Variants in GALNT9 observed in about 807,000 individuals in gnomAD.
GALNT9 encodes the protein GalNAc transferase 9.
In GALNT9, 47 loss-of-function variants were observed where a neutral mutation model predicts 63.1. The ratio of observed to expected loss-of-function variants is 0.75; its 90% CI spans 0.59 to 0.95. GALNT9 has a LOEUF of 0.95. GALNT9 is among the 40% of genes least tolerant of loss of function. The pLI is 0.00. For synonymous variants in GALNT9, 396 were observed against 365.7 expected, an observed-to-expected ratio of 1.08 and a Z score of -0.94; for missense variants, 829 against 874.8, an observed-to-expected ratio of 0.95 and a Z score of 0.66.
intron 6 of GALNT9, among the ~76,000 whole-genome samples, chr12:132,218,457 G>C (rs7303037): frequency 0.59 from 90,425 of 152,150 alleles, 27,063 homozygotes; most frequent in East Asian, 0.78. Flanking sequence ...CACTCTGGAG[G>C]AAATTGTGTG....
At chr12:132,253,287 C>T (rs1222853099) in intron 5 of GALNT9, among the ~76,000 whole-genome samples, 5 of 151,882 alleles carry the variant, frequency 3.3e-5, no homozygotes, top group African/African-American at 9.7e-5. Context: ...GAATATCCAG[C>T]CTCCCACAGG....
At chr12:132,323,363 G>C (rs532582999) in intron 1 of GALNT9, among the ~76,000 whole-genome samples, 49 of 152,316 alleles carry the variant, frequency 3.2e-4, no homozygotes, top group African/African-American at 1.1e-3. Flanking sequence ...GCTGCCGACC[G>C]GGCCTGCTCT....
chr12:132,305,358 C>G (rs374691112), intron 1 of GALNT9, among the ~76,000 whole-genome samples: 26 of 37,634 alleles, frequency 6.9e-4, no homozygotes, highest in East Asian at 6.5e-3. Flanking sequence ...CCCGGGCACA[C>G]CCTCACCCGG....
intron 1 of GALNT9, among the ~76,000 whole-genome samples, chr12:132,293,535 G>T (rs1470679454): frequency 6.6e-6 from 1 of 152,198 alleles, no homozygotes; most frequent in African/African-American, 2.4e-5. Flanking sequence ...TGTGCCCTGG[G>T]TACCGACAGC....
rs1266623155 is a variant in GALNT9, at chr12:132,257,806, G to A, written c.842C>T (p.Thr281Met). 3 of 1,550,284 alleles carry A rather than the reference G, an allele frequency of 1.9e-6. No homozygotes were observed. The highest frequency in any genetic ancestry group is 2.0e-5 in the Admixed American group (1 of 50,988). ...GTTCGCATACTGCTGCACCTCAAAC[G>A]TGCTGTACTTGATGTTGTCGATGGC... ...LPAIDNIKYS[T>M]FEVQQYANAA... Residue 281 changes from threonine to methionine, a missense_variant, in exon 5 of 11, where the codon ACG becomes ATG. Thr to Met is a moderately conservative substitution (Grantham distance 81). Coordinates refer to ENST00000328957, the MANE Select transcript of GALNT9 (RefSeq NM_001122636.2).
Position 132,247,750 on chromosome 12 carries a change from CCGT to C in GALNT9, c.1077+157_1077+159del, listed in dbSNP as rs1878764625. ...CTCGCCCTCACCCCGTCCCCAGATG[CCGT>C]GGCCGCACTCGCCCTCACCCCATCC... On this transcript the variant is annotated intron_variant, in intron 6 of 10. Transcript: ENST00000328957. The C allele has an allele frequency of 3.1e-5, 38 of 1,222,972 alleles. No individual in the cohort carries two copies. In the African/African-American group the frequency reaches 3.5e-4, roughly 11 times the overall value. 75.8% of individuals were successfully genotyped at this position (1,222,972 alleles called of 1,614,324 possible).
At chr12:132,309,279 T>C (rs971866970) in intron 1 of GALNT9, among the ~76,000 whole-genome samples, 3 of 152,206 alleles carry the variant, frequency 2.0e-5, no homozygotes, top group African/African-American at 7.2e-5. Context: ...GAGTGGATGA[T>C]GGCCCCGGGA....
At chr12:132,299,909 T>C (rs376559772) in intron 1 of GALNT9, among the ~76,000 whole-genome samples, 25 of 122,998 alleles carry the variant, frequency 2.0e-4, no homozygotes, top group East Asian at 1.4e-3. Context: ...ACCTAACCCA[T>C]CCCTGAGATA....
chr12:132,254,343 A>G (rs73469812), intron 5 of GALNT9, among the ~76,000 whole-genome samples: 3,488 of 152,296 alleles, frequency 0.023, 135 homozygotes, highest in African/African-American at 0.079. Context: ...ATTTACTTTT[A>G]TGGAAATTTT....
At position 132,315,889 on chromosome 12, in the gene GALNT9, A is replaced by T. The variant is rs1456671202; in HGVS notation, c.238+13077T>A. Among the ~76,000 whole-genome samples, 1 of 152,168 alleles carries T rather than the reference A, an allele frequency of 6.6e-6. No homozygotes were observed. The highest frequency in any genetic ancestry group is 1.5e-5 in the Non-Finnish European group (1 of 68,008). On this transcript the variant is annotated intron_variant, in intron 1 of 10. Coordinates refer to ENST00000328957, the MANE Select transcript of GALNT9 (RefSeq NM_001122636.2). The surrounding 1 kb of genome is among the most constrained non-coding windows in gnomAD (Gnocchi z 6.1). ...TGCAATAAACCCCTGTGCTGGGCCCATTCCGAGATGCCAATGGGGACTTGG... is the reference window on the plus strand; with the variant it reads ...TGCAATAAACCCCTGTGCTGGGCCCTTTCCGAGATGCCAATGGGGACTTGG...
At chr12:132,225,483 CACAT>C (rs1206069011) in intron 6 of GALNT9, among the ~76,000 whole-genome samples, 11 of 149,580 alleles carry the variant, frequency 7.4e-5, no homozygotes, top group African/African-American at 2.5e-4. Flanking sequence ...ACATCCCACA[CACAT>C]ACATACCACA....
intron 6 of GALNT9, among the ~76,000 whole-genome samples, chr12:132,210,245 C>T (rs1479313804): frequency 6.6e-6 from 1 of 152,242 alleles, no homozygotes; most frequent in Non-Finnish European, 1.5e-5. Flanking sequence ...GGCGTTGGGT[C>T]AAAAACTCCC....
chr12:132,264,640 T>G (rs146975216), intron 2 of GALNT9, among the ~76,000 whole-genome samples: 278 of 152,348 alleles, frequency 1.8e-3, no homozygotes, highest in African/African-American at 6.5e-3. Flanking sequence ...CAAACCCACC[T>G]GTCTTCCCAG....
intron 8 of GALNT9, 71 bp from the exon 9 acceptor site, chr12:132,199,340 C>T (rs1473574930): frequency 9.1e-7 from 1 of 1,100,278 alleles, no homozygotes; most frequent in East Asian, 2.4e-5. Context: ...TTCACGCAGC[C>T]AGCTCTGCAG....
chr12:132,207,904 A>G (rs1876790766), intron 6 of GALNT9, among the ~76,000 whole-genome samples: 2 of 152,182 alleles, frequency 1.3e-5, no homozygotes, highest in South Asian at 4.1e-4. Flanking sequence ...AGAACAAGAC[A>G]GCCCCCACCC....
chr12:132,208,003 G>A (rs776828147), intron 6 of GALNT9, among the ~76,000 whole-genome samples: 10 of 152,154 alleles, frequency 6.6e-5, no homozygotes, highest in Admixed American at 1.3e-4. Flanking sequence ...GTTAATGACC[G>A]TGTAGTTTTT....
chr12:132,262,493 C>T lies in GALNT9; in HGVS notation c.552G>A (p.Lys184=). 2 of 1,551,182 alleles carry T rather than the reference C, an allele frequency of 1.3e-6. No homozygotes were observed. Among genetic ancestry groups the T allele is most frequent in the African/African-American group, 1.4e-5 (1 of 73,176 alleles). ...VVNHTPSQLL[K]EVILVDDNSD... is the part of the protein sequence containing the mutation. Reference sequence around the variant, plus strand: ...TGTTGTCGTCCACCAGGATGACCTCCTTGAGGAGCTGGGAGGGCGTGTGGT... The same window carrying T: ...TGTTGTCGTCCACCAGGATGACCTCTTTGAGGAGCTGGGAGGGCGTGTGGT... The change falls in exon 3 of 11, where the codon AAG becomes AAA. Residue 184 remains lysine, a synonymous_variant. Coordinates refer to ENST00000328957, the MANE Select transcript of GALNT9 (RefSeq NM_001122636.2).
At chr12:132,250,199 C>T (rs1373699761) in intron 5 of GALNT9, among the ~76,000 whole-genome samples, 5 of 152,150 alleles carry the variant, frequency 3.3e-5, no homozygotes, top group Non-Finnish European at 7.4e-5. Context: ...AGAGGTTGCC[C>T]CCCGTGTGAC....
At chr12:132,258,747 G>A (rs148629657) in intron 4 of GALNT9, among the ~76,000 whole-genome samples, 97 of 152,308 alleles carry the variant, frequency 6.4e-4, no homozygotes, top group African/African-American at 1.9e-3. Context: ...CTCAGTCTTC[G>A]ATTCCCCGTC....
Sources: allele counts gnomAD v4.1 joint callset (sites outside exome capture counted in the v4.1 genomes callset), GRCh38; gene constraint gnomAD v4.1.1; non-coding constraint Gnocchi (gnomAD v3.1); transcripts MANE v1.5; gene names NCBI Gene and HGNC (gene_info 2026-07-23, HGNC 2026-07-21).